NAMPT: variants seen among roughly 807,000 people sequenced by gnomAD.
NAMPT encodes the protein nicotinamide phosphoribosyltransferase.
In NAMPT, 7 loss-of-function variants were observed where a neutral mutation model predicts 58.7. The ratio of observed to expected loss-of-function variants is 0.12; its 90% CI spans 0.07 to 0.22. The LOEUF is 0.22. Among genes scored for constraint, NAMPT ranks in the 10% least tolerant of loss-of-function variants. The pLI, the probability that NAMPT is intolerant of heterozygous loss-of-function variation, is 1.00. For missense variants in NAMPT, 271 were observed against 567.9 expected, an observed-to-expected ratio of 0.48 and a Z score of 5.31; for synonymous variants, 145 against 198.1, an observed-to-expected ratio of 0.73 and a Z score of 2.25.
intron 6 of NAMPT, among the ~76,000 whole-genome samples, chr7:106,267,013 C>T (rs1288641787): frequency 6.6e-6 from 1 of 152,204 alleles, no homozygotes; most frequent in Non-Finnish European, 1.5e-5. Context: ...CATTCTCCCT[C>T]CTCTTTCATT....
intron 1 of NAMPT, among the ~76,000 whole-genome samples, chr7:106,278,792 G>T (rs1792699509): frequency 6.6e-6 from 1 of 152,124 alleles, no homozygotes; most frequent in Non-Finnish European, 1.5e-5. Flanking sequence ...TCTTTAGTGG[G>T]ACTAAGTAGT....
At chr7:106,264,136 T>C (rs1422262005) in intron 6 of NAMPT, among the ~76,000 whole-genome samples, 1 of 152,112 alleles carries the variant, frequency 6.6e-6, no homozygotes, top group African/African-American at 2.4e-5. Flanking sequence ...TTATTTATAC[T>C]ATACCATACA....
chr7:106,267,852 A>AC (rs1792450280), intron 6 of NAMPT, among the ~76,000 whole-genome samples: 1 of 109,720 alleles, frequency 9.1e-6, no homozygotes, highest in Non-Finnish European at 2.0e-5. Flanking sequence ...AAAAAAAAAA[A>AC]AAAAAAAAAA....
At chr7:106,258,118 T>A (rs1351491989) in intron 8 of NAMPT, among the ~76,000 whole-genome samples, 1 of 152,212 alleles carries the variant, frequency 6.6e-6, no homozygotes, top group Non-Finnish European at 1.5e-5. Context: ...AAAGCCCCTA[T>A]GTCCCAACAC....
chr7:106,264,302 G>T (rs1237617018), intron 6 of NAMPT, among the ~76,000 whole-genome samples: 1 of 152,042 alleles, frequency 6.6e-6, no homozygotes, highest in Non-Finnish European at 1.5e-5. Context: ...GGAAAATAAA[G>T]TATGAGAGTT....
chr7:106,271,579 CTTTA>C (rs890998376), intron 4 of NAMPT, among the ~76,000 whole-genome samples: 2 of 151,988 alleles, frequency 1.3e-5, no homozygotes, highest in African/African-American at 2.4e-5. Flanking sequence ...TATTTAAAAC[CTTTA>C]TTTAACTGTA....
At chr7:106,271,695 T>G (rs951085242) in intron 4 of NAMPT, among the ~76,000 whole-genome samples, 5 of 152,178 alleles carry the variant, frequency 3.3e-5, no homozygotes, top group Non-Finnish European at 7.4e-5. Flanking sequence ...GGACCTCTTA[T>G]ATTTCGATGT....
At chr7:106,284,720 G>GACCCAA in intron 1 of NAMPT, 108 bp downstream of exon 1, 1 of 853,532 alleles carries the variant, frequency 1.2e-6, no homozygotes, top group Non-Finnish European at 1.5e-6. Flanking sequence ...CGCGACCCTA[G>GACCCAA]CCCCAGCCCC....
chr7:106,275,737 G>C (rs892669541), intron 2 of NAMPT: 1 of 152,144 alleles, frequency 6.6e-6, no homozygotes, highest in Non-Finnish European at 1.5e-5. Context: ...TAGTAAACTC[G>C]TTTAAAGTAT....
chr7:106,284,519 C>A (rs1356787960), intron 1 of NAMPT: 1 of 155,438 alleles, frequency 6.4e-6, no homozygotes, highest in Non-Finnish European at 1.4e-5. Context: ...GCCCCGAGCC[C>A]CGAGCACCGG....
chr7:106,284,355 G>C (rs1389985105), intron 1 of NAMPT: 1 of 131,354 alleles, frequency 7.6e-6, no homozygotes, highest in South Asian at 2.5e-4. Flanking sequence ...TACCTGCCCA[G>C]CCAGGGGCGA....
intron 1 of NAMPT, among the ~76,000 whole-genome samples, chr7:106,279,507 C>CA (rs146031305): frequency 6.6e-6 from 1 of 152,276 alleles, no homozygotes; most frequent in African/African-American, 2.4e-5. Flanking sequence ...ACAATGTAGT[C>CA]AAAAGGATTT....
chr7:106,253,221 CA>C, intron 9 of NAMPT, 70 bp from the exon 10 acceptor site: 1 of 1,500,950 alleles, frequency 6.7e-7, no homozygotes, highest in Non-Finnish European at 9.1e-7. Flanking sequence ...CACTCCCTTA[CA>C]AAAAAGCACA....
intron 8 of NAMPT, among the ~76,000 whole-genome samples, chr7:106,256,816 C>T (rs1194780340): frequency 6.6e-6 from 1 of 152,078 alleles, no homozygotes; most frequent in Non-Finnish European, 1.5e-5. Context: ...GAGACACAAC[C>T]CCATGCTAAG....
intron 8 of NAMPT, among the ~76,000 whole-genome samples, chr7:106,255,928 A>T (rs1267104914): frequency 6.6e-6 from 1 of 152,238 alleles, no homozygotes; most frequent in Non-Finnish European, 1.5e-5. Flanking sequence ...TATGCTTCAG[A>T]GGCAAAAACA....
chr7:106,274,803 C>T (rs766006947), intron 3 of NAMPT, 143 bp downstream of exon 3: 82 of 571,986 alleles, frequency 1.4e-4, no homozygotes, highest in African/African-American at 1.0e-3. Context: ...TGCAGTGAGC[C>T]GAGATTGTGC....
intron 4 of NAMPT, chr7:106,272,223 T>C (rs1389273409): frequency 3.5e-6 from 1 of 282,026 alleles, no homozygotes; most frequent in Non-Finnish European, 7.3e-6. Flanking sequence ...GTGCTGTTTT[T>C]CTAAGTTTGC....
intron 9 of NAMPT, chr7:106,253,394 C>G (rs1792137031): frequency 4.9e-6 from 2 of 411,322 alleles, no homozygotes; most frequent in Non-Finnish European, 8.9e-6. Context: ...CTGAAGAACA[C>G]CTAATACTCC....
chr7:106,274,459 T>A (rs569960775), intron 3 of NAMPT, among the ~76,000 whole-genome samples: 1 of 152,016 alleles, frequency 6.6e-6, no homozygotes, highest in Non-Finnish European at 1.5e-5. Flanking sequence ...AAAGGATATA[T>A]TGGCTATAAT....
Sources: allele counts gnomAD v4.1 joint callset (sites outside exome capture counted in the v4.1 genomes callset), GRCh38; gene constraint gnomAD v4.1.1; transcripts MANE v1.5; gene names NCBI Gene and HGNC (gene_info 2026-07-23, HGNC 2026-07-21).